SNTG1: variants seen among roughly 807,000 people sequenced by gnomAD.
SNTG1 encodes the protein syntrophin gamma 1, also known as gamma-1-syntrophin.
SNTG1 carries 39 observed loss-of-function variants against 74.7 expected under a neutral mutation model. The ratio of observed to expected loss-of-function variants is 0.52; its 90% CI spans 0.40 to 0.68. The LOEUF is 0.68. Ranked by LOEUF, SNTG1 falls within the 30% of genes least tolerant of loss-of-function variation. The pLI is 0.00. For missense variants in SNTG1, 685 were observed against 609.5 expected, an observed-to-expected ratio of 1.12 and a Z score of -1.30; for synonymous variants, 254 against 217.1, an observed-to-expected ratio of 1.17 and a Z score of -1.49.
chr8:50,389,969 G>A (rs1473821583), intron 2 of SNTG1, among the ~76,000 whole-genome samples: 1 of 152,158 alleles, frequency 6.6e-6, no homozygotes, highest in Non-Finnish European at 1.5e-5. Flanking sequence ...GTTCTTTGTA[G>A]GTTCTGGATA....
At chr8:50,534,885 T>C (rs1250728102) in intron 10 of SNTG1, among the ~76,000 whole-genome samples, 1 of 152,184 alleles carries the variant, frequency 6.6e-6, no homozygotes, top group East Asian at 1.9e-4. Context: ...TTAGTACAAG[T>C]AGGTATTATT....
intron 1 of SNTG1, among the ~76,000 whole-genome samples, chr8:50,146,797 A>G (rs925327838): frequency 6.6e-6 from 1 of 152,130 alleles, no homozygotes. Context: ...TATTTATATT[A>G]TTATTTGCCA....
chr8:50,378,770 G>T (rs2092431928), intron 2 of SNTG1, among the ~76,000 whole-genome samples: 1 of 152,058 alleles, frequency 6.6e-6, no homozygotes, highest in African/African-American at 2.4e-5. Flanking sequence ...TCTCAGCAGA[G>T]AGGGTAGCTC....
intron 1 of SNTG1, among the ~76,000 whole-genome samples, chr8:49,976,769 A>G (rs1050493578): frequency 6.6e-5 from 10 of 152,174 alleles, no homozygotes; most frequent in Non-Finnish European, 1.3e-4. Flanking sequence ...ATCATGCAGG[A>G]TACTGTAAAG....
At chr8:50,152,812 A>C (rs570251140) in intron 1 of SNTG1, among the ~76,000 whole-genome samples, 68 of 152,284 alleles carry the variant, frequency 4.5e-4, no homozygotes, top group African/African-American at 4.8e-5. Context: ...GAGTAACCAG[A>C]CTTTTCTCTC....
At chr8:49,926,570 C>A (rs1270771753) in intron 1 of SNTG1, among the ~76,000 whole-genome samples, 2 of 152,094 alleles carry the variant, frequency 1.3e-5, no homozygotes, top group Admixed American at 1.3e-4. Context: ...TAGACCTTAA[C>A]AGTATTGACA....
At chr8:50,410,589 TC>T (rs2092935342) in intron 4 of SNTG1, among the ~76,000 whole-genome samples, 1 of 152,162 alleles carries the variant, frequency 6.6e-6, no homozygotes, top group Non-Finnish European at 1.5e-5. Context: ...ATCTATCACC[TC>T]CCCTGCTATA....
At position 50,635,871 on chromosome 8, in the gene SNTG1, C is replaced by T. The variant is rs149775674; in HGVS notation, c.850-21038C>T. ...TCTAAAGCAAAAAGCATCAAAACTA[C>T]CACAGCTAGGAATGTGCTTGGTATC... is the stretch of plus-strand genomic sequence containing the variant. On this transcript the variant is annotated intron_variant, in intron 13 of 18. Coordinates refer to ENST00000642720, the MANE Select transcript of SNTG1 (RefSeq NM_018967.5). Among the ~76,000 whole-genome samples, 134 of 152,184 alleles carry T rather than the reference C, an allele frequency of 8.8e-4. 3 individuals are homozygous for T. In the East Asian group the frequency reaches 0.019, roughly 22 times the overall value.
At chr8:50,202,422 AG>A (rs2084021929) in intron 2 of SNTG1, among the ~76,000 whole-genome samples, 1 of 151,910 alleles carries the variant, frequency 6.6e-6, no homozygotes, top group African/African-American at 2.4e-5. Flanking sequence ...TTGCTTTTCC[AG>A]GGTGTGATAT....
chr8:50,768,153 T>C (rs2131772409), intron 18 of SNTG1, among the ~76,000 whole-genome samples: 1 of 152,072 alleles, frequency 6.6e-6, no homozygotes, highest in Admixed American at 6.6e-5. Flanking sequence ...GTCCCCACCA[T>C]CTCAGGTACT....
In SNTG1 at chr8:50,131,702, C is replaced by T. The variant is rs116471382; in HGVS notation, c.-102-40859C>T. Among the ~76,000 whole-genome samples, 827 of 152,166 alleles carry T rather than the reference C, an allele frequency of 5.4e-3. 18 individuals carry two copies. Among genetic ancestry groups the T allele is most frequent in the African/African-American group, 0.019 (793 of 41,524 alleles). ...TCATTTTATTTTGTGGATATATACT[C>T]AGAAGTGGGATTGCTGGATCATATG... On this transcript the variant is annotated intron_variant, in intron 1 of 18. Coordinates refer to ENST00000642720, the MANE Select transcript of SNTG1 (RefSeq NM_018967.5).
chr8:50,402,710 G>T (rs1182836372), intron 4 of SNTG1, among the ~76,000 whole-genome samples: 2 of 152,162 alleles, frequency 1.3e-5, no homozygotes, highest in African/African-American at 2.4e-5. Flanking sequence ...TACTGAGAGT[G>T]GTGCCAGGGT....
intron 1 of SNTG1, among the ~76,000 whole-genome samples, chr8:50,047,135 A>G (rs1819157373): frequency 6.6e-6 from 1 of 152,084 alleles, no homozygotes; most frequent in Admixed American, 6.6e-5. Flanking sequence ...ACTTGAGCTC[A>G]GGAGACCAAC....
intron 1 of SNTG1, among the ~76,000 whole-genome samples, chr8:50,075,193 T>C (rs1015906026): frequency 6.6e-6 from 1 of 152,174 alleles, no homozygotes; most frequent in African/African-American, 2.4e-5. Context: ...CAATGGGAGC[T>C]GTCCCCTGCT....
chr8:50,508,437 G>A (rs1463540376), intron 9 of SNTG1, among the ~76,000 whole-genome samples: 1 of 152,186 alleles, frequency 6.6e-6, no homozygotes, highest in African/African-American at 2.4e-5. Context: ...TATATACCCA[G>A]TAATGGGATT....
At chr8:50,158,795 T>A (rs1335933887) in intron 1 of SNTG1, among the ~76,000 whole-genome samples, 1 of 152,190 alleles carries the variant, frequency 6.6e-6, no homozygotes, top group Non-Finnish European at 1.5e-5. Context: ...TGGTAGGCCT[T>A]GATGCACATG....
At chr8:50,629,587 T>C (rs2094981850) in intron 13 of SNTG1, among the ~76,000 whole-genome samples, 1 of 151,898 alleles carries the variant, frequency 6.6e-6, no homozygotes, top group South Asian at 2.1e-4. Flanking sequence ...CTGGAGGTTA[T>C]TTAAGTGTGT....
intron 13 of SNTG1, among the ~76,000 whole-genome samples, chr8:50,642,462 G>A (rs1298352369): frequency 6.6e-6 from 1 of 152,186 alleles, no homozygotes; most frequent in Admixed American, 6.5e-5. Context: ...CTACAAGGAT[G>A]TGTGCAACTG....
chr8:50,091,755 A>C (rs2079746394), intron 1 of SNTG1, among the ~76,000 whole-genome samples: 1 of 152,156 alleles, frequency 6.6e-6, no homozygotes, highest in Admixed American at 6.6e-5. Flanking sequence ...TCCCTGAAGA[A>C]TGGTCAATGA....
Sources: allele counts gnomAD v4.1 joint callset (sites outside exome capture counted in the v4.1 genomes callset), GRCh38; gene constraint gnomAD v4.1.1; transcripts MANE v1.5; gene names NCBI Gene and HGNC (gene_info 2026-07-23, HGNC 2026-07-21).